RANBP17: variants seen among roughly 807,000 people sequenced by gnomAD.
The protein encoded by RANBP17 is RAN binding protein 17, also known as ran-binding protein 17.
RANBP17 carries 158 observed loss-of-function variants against 141.2 expected under a neutral mutation model. That is an observed-to-expected ratio of 1.12 (90% CI 0.98 to 1.28). RANBP17 has a LOEUF of 1.28. Ranked by LOEUF, RANBP17 falls within the 50% of genes most tolerant of loss-of-function variation. RANBP17 has a pLI of 0.00. For missense variants in RANBP17, 1,438 were observed against 1,290.7 expected, an observed-to-expected ratio of 1.11 and a Z score of -1.75; for synonymous variants, 430 against 450.0, an observed-to-expected ratio of 0.96 and a Z score of 0.56.
intron 14 of RANBP17, among the ~76,000 whole-genome samples, chr5:171,064,312 G>T (rs1168076439): frequency 6.6e-6 from 1 of 152,160 alleles, no homozygotes; most frequent in African/African-American, 2.4e-5. Flanking sequence ...TTGGCTGCCA[G>T]TCCTAGAATG....
chr5:170,963,947 G>C (rs1471200062), intron 13 of RANBP17, among the ~76,000 whole-genome samples: 1 of 152,086 alleles, frequency 6.6e-6, no homozygotes, highest in African/African-American at 2.4e-5. Context: ...AAAAAATCAG[G>C]AAAGGATATG....
intron 14 of RANBP17, among the ~76,000 whole-genome samples, chr5:171,063,546 C>T (rs1439703836): frequency 3.3e-5 from 5 of 152,180 alleles, no homozygotes; most frequent in Non-Finnish European, 5.9e-5. Flanking sequence ...AGTACCCAGC[C>T]GTGTGAGGTG....
chr5:171,071,580 A>C (rs1287497941), intron 14 of RANBP17, among the ~76,000 whole-genome samples: 1 of 150,482 alleles, frequency 6.6e-6, no homozygotes, highest in East Asian at 2.0e-4. Flanking sequence ...TGTTGGCAGA[A>C]GCTAAAAAGA....
chr5:171,157,476 C>T (rs1158351623), intron 14 of RANBP17, among the ~76,000 whole-genome samples: 1 of 152,196 alleles, frequency 6.6e-6, no homozygotes, highest in African/African-American at 2.4e-5. Context: ...GCTAAACCCA[C>T]ACTGATGATC....
chr5:170,905,813 G>T (rs1362888993), intron 5 of RANBP17, among the ~76,000 whole-genome samples: 3 of 152,052 alleles, frequency 2.0e-5, no homozygotes, highest in East Asian at 3.8e-4. Context: ...TTTGAAACTA[G>T]CAGTTTGATT....
intron 5 of RANBP17, among the ~76,000 whole-genome samples, chr5:170,908,911 A>G (rs1771298252): frequency 6.6e-6 from 1 of 152,054 alleles, no homozygotes; most frequent in East Asian, 1.9e-4. Flanking sequence ...TCCAAATAGC[A>G]ATAAGAATAA....
intron 1 of RANBP17, among the ~76,000 whole-genome samples, chr5:170,864,707 A>G (rs759120255): frequency 4.6e-5 from 7 of 152,206 alleles, no homozygotes; most frequent in Non-Finnish European, 8.8e-5. Flanking sequence ...GACTCAGTTG[A>G]TCCAACTTTT....
At chr5:171,263,593 A>T (rs1766476601) in intron 24 of RANBP17, among the ~76,000 whole-genome samples, 1 of 152,154 alleles carries the variant, frequency 6.6e-6, no homozygotes, top group Admixed American at 6.5e-5. Flanking sequence ...GTCGCACTCC[A>T]CTATTGGATG....
chr5:171,282,319 G>C (rs1017557174), intron 25 of RANBP17, among the ~76,000 whole-genome samples: 9 of 152,190 alleles, frequency 5.9e-5, no homozygotes, highest in Non-Finnish European at 8.8e-5. Context: ...TAATGTCAGT[G>C]CCATTTCTCA....
intron 14 of RANBP17, among the ~76,000 whole-genome samples, chr5:171,046,012 T>C (rs966664368): frequency 2.0e-5 from 3 of 152,160 alleles, no homozygotes; most frequent in African/African-American, 4.8e-5. Flanking sequence ...GCACAATTCC[T>C]TTGAGAATCC....
chr5:171,260,190 G>C (rs2914097), intron 24 of RANBP17, among the ~76,000 whole-genome samples: 30,079 of 149,812 alleles, frequency 0.2, 3,065 homozygotes, highest in East Asian at 0.28. Context: ...ATCCCAGCTA[G>C]TCGGGGAGGC....
intron 3 of RANBP17, among the ~76,000 whole-genome samples, chr5:170,885,022 A>G (rs1432244043): frequency 6.6e-6 from 1 of 152,090 alleles, no homozygotes; most frequent in African/African-American, 2.4e-5. Flanking sequence ...TCAAGTGAGT[A>G]ATGTCTGACA....
chr5:171,010,125 C>T (rs919963560), intron 14 of RANBP17, among the ~76,000 whole-genome samples: 4 of 152,110 alleles, frequency 2.6e-5, no homozygotes, highest in Non-Finnish European at 4.4e-5. Flanking sequence ...GTTTCCCCCA[C>T]AACCATGCGG....
At chr5:171,076,215 A>G (rs1784909072) in intron 14 of RANBP17, among the ~76,000 whole-genome samples, 1 of 152,236 alleles carries the variant, frequency 6.6e-6, no homozygotes, top group South Asian at 2.1e-4. Context: ...ATAGTAAAAA[A>G]GCTGACTTAT....
chr5:171,006,423 A>G (rs889360397), intron 14 of RANBP17, among the ~76,000 whole-genome samples: 4 of 152,220 alleles, frequency 2.6e-5, no homozygotes. Flanking sequence ...GCCATAAAAA[A>G]TTATGAGTTG....
chr5:170,988,017 C>A (rs1168480152), intron 14 of RANBP17, among the ~76,000 whole-genome samples: 1 of 151,468 alleles, frequency 6.6e-6, no homozygotes, highest in African/African-American at 2.4e-5. Context: ...ACATTAAACA[C>A]TTACTCTCTC....
chr5:170,906,118 A>G (rs1771060038), intron 5 of RANBP17, among the ~76,000 whole-genome samples: 1 of 152,050 alleles, frequency 6.6e-6, no homozygotes, highest in Non-Finnish European at 1.5e-5. Flanking sequence ...TAACCACAAT[A>G]CAACCTTGCA....
In RANBP17 at chr5:171,267,253, AG is replaced by A. The variant is rs745405225; in HGVS notation, c.2943+1408del. Among the ~76,000 whole-genome samples, 176 of 146,322 alleles carry A rather than the reference AG, an allele frequency of 1.2e-3. 2 individuals carry two copies. The highest frequency in any genetic ancestry group is 7.0e-3 in the Middle Eastern group (2 of 284). ...AGTTTTGCCACGTTGCCAGGCTAGT[AG>A]GCTAGTTTTGAACTCCTGAGCACAA... On this transcript the variant is annotated intron_variant, in intron 25 of 27. Coordinates refer to ENST00000523189, the MANE Select transcript of RANBP17 (RefSeq NM_022897.5).
chr5:170,886,520 G>C (rs1346899843), intron 3 of RANBP17, among the ~76,000 whole-genome samples: 2 of 151,938 alleles, frequency 1.3e-5, no homozygotes, highest in Non-Finnish European at 2.9e-5. Context: ...TGTAAGTTTT[G>C]ATAAATTTTA....
Sources: allele counts gnomAD v4.1 joint callset (sites outside exome capture counted in the v4.1 genomes callset), GRCh38; gene constraint gnomAD v4.1.1; transcripts MANE v1.5; gene names NCBI Gene and HGNC (gene_info 2026-07-23, HGNC 2026-07-21).